TICRR: variants seen among roughly 807,000 people sequenced by gnomAD.
TICRR encodes TOPBP1 interacting checkpoint and replication regulator, also known as treslin.
In TICRR, 132 loss-of-function variants were observed where a neutral mutation model predicts 178.1. That is an observed-to-expected ratio of 0.74 (90% CI 0.64 to 0.86). TICRR has a LOEUF of 0.86. Ranked by LOEUF, TICRR falls within the 40% of genes least tolerant of loss-of-function variation. TICRR has a pLI of 0.00. For missense variants in TICRR, 2,587 were observed against 2,334.3 expected, an observed-to-expected ratio of 1.11 and a Z score of -2.23; for synonymous variants, 991 against 900.7, an observed-to-expected ratio of 1.10 and a Z score of -1.79.
intron 16 of TICRR, chr15:89,617,932 TC>T: frequency 3.7e-6 from 2 of 539,698 alleles, no homozygotes. Flanking sequence ...CCTCAAGTGA[TC>T]CGCCCGCCTT....
chr15:89,589,675 C>T (rs923738279), intron 4 of TICRR, among the ~76,000 whole-genome samples: 4 of 152,162 alleles, frequency 2.6e-5, no homozygotes, highest in African/African-American at 9.7e-5. Context: ...AATATAACAG[C>T]AAATGCAATT....
intron 4 of TICRR, among the ~76,000 whole-genome samples, chr15:89,586,238 A>G (rs1962821123): frequency 6.6e-6 from 1 of 152,172 alleles, no homozygotes; most frequent in African/African-American, 2.4e-5. Context: ...TTGCATTGTT[A>G]CTACTAGCAT....
chr15:89,612,430 GCAA>G (rs1963269551), intron 15 of TICRR, among the ~76,000 whole-genome samples: 1 of 152,188 alleles, frequency 6.6e-6, no homozygotes, highest in South Asian at 2.1e-4. Context: ...ACCAAAGCAT[GCAA>G]CCCCCAATTT....
rs970877622 is a variant in TICRR at position 89,594,405 on chromosome 15, G to C, written c.1542-10G>C. ...ATGTTGGTTTTATTCTAGACATCTT[G>C]ACTTCACAGGTTACTACAGGCTGCC... On this transcript the variant is annotated splice_polypyrimidine_tract_variant and intron_variant, in intron 5 of 21. Coordinates refer to ENST00000268138, the MANE Select transcript of TICRR (RefSeq NM_152259.4). 4.4e-6 allele frequency: 7 copies of C among 1,593,378 alleles called. No individual in the cohort carries two copies. The highest frequency in any genetic ancestry group is 1.3e-5 in the African/African-American group (1 of 74,218).
At chr15:89,615,428 C>T (rs1963320044) in intron 15 of TICRR, among the ~76,000 whole-genome samples, 1 of 152,120 alleles carries the variant, frequency 6.6e-6, no homozygotes, top group African/African-American at 2.4e-5. Flanking sequence ...TACCGTAGGG[C>T]TAGGGGGAAG....
At chr15:89,618,848 A>G (rs1963377490) in intron 17 of TICRR, among the ~76,000 whole-genome samples, 1 of 152,202 alleles carries the variant, frequency 6.6e-6, no homozygotes. Context: ...GGTCCCAGCT[A>G]CTCGGGAGGC....
Position 89,626,957 on chromosome 15 carries a change from T to C in TICRR, c.5604T>C (p.Asp1868=), listed in dbSNP as rs1377414685. ...TPSSQSKDPR[D]EDVDVLPSTV... ...CTAAGCCTTTCTACCTTCTTCTAGATGAGGATGTGGATGTTCTTCCCTCCA... is the reference window on the plus strand; with the variant it reads ...CTAAGCCTTTCTACCTTCTTCTAGACGAGGATGTGGATGTTCTTCCCTCCA... Residue 1868 remains aspartate, a splice_region_variant and synonymous_variant, in exon 22 of 22, where the codon GAT becomes GAC. Coordinates refer to ENST00000268138, the MANE Select transcript of TICRR (RefSeq NM_152259.4). The C allele has an allele frequency of 3.1e-6, 5 of 1,613,730 alleles. No individual in the cohort carries two copies. In the African/African-American group the frequency reaches 4.0e-5, roughly 13 times the overall value.
At position 89,575,896 on chromosome 15, in the gene TICRR, C is replaced by G; in HGVS notation, c.310C>G (p.Leu104Val). 2 of 1,589,218 alleles carry G rather than the reference C, an allele frequency of 1.3e-6. No individual in the cohort carries two copies. The highest frequency in any genetic ancestry group is 1.3e-5 in the African/African-American group (1 of 74,548). Residue 104 changes from leucine (L) to valine (V), a missense_variant, in exon 1 of 22, where the codon CTG becomes GTG. Transcript: ENST00000268138. Reference sequence around the variant, plus strand: ...CAGGGCCACCCACACGCACGGCGCCCTGATGGAGACGCTGCTAGACTACCA... The same window carrying G: ...CAGGGCCACCCACACGCACGGCGCCGTGATGGAGACGCTGCTAGACTACCA... Reference protein sequence around the residue: ...APRATHTHGALMETLLDYQWD... With the variant: ...APRATHTHGAVMETLLDYQWD...
intron 3 of TICRR, 41 bp downstream of exon 3, chr15:89,584,568 C>A: frequency 6.7e-7 from 1 of 1,503,658 alleles, no homozygotes; most frequent in Non-Finnish European, 8.9e-7. Flanking sequence ...TGTCTAACAA[C>A]ACACTGGTAA....
At chr15:89,626,916 CTG>C (rs1963538558) in intron 21 of TICRR, 38 bp from the exon 22 acceptor site, 12 of 1,604,106 alleles carry the variant, frequency 7.5e-6, no homozygotes, top group Non-Finnish European at 9.4e-6. Context: ...GTTCGGTCCT[CTG>C]TGACTCCTGC....
intron 15 of TICRR, 140 bp from the exon 16 acceptor site, chr15:89,616,265 G>A: frequency 1.5e-6 from 1 of 653,578 alleles, no homozygotes; most frequent in Non-Finnish European, 2.7e-6. Flanking sequence ...TGTAACCATA[G>A]AACTTAGCCC....
At chr15:89,586,582 G>A (rs895580774) in intron 4 of TICRR, among the ~76,000 whole-genome samples, 26 of 152,286 alleles carry the variant, frequency 1.7e-4, no homozygotes, top group African/African-American at 6.3e-4. Context: ...AATTGTAGTA[G>A]TAAAGCAGAA....
chr15:89,601,364 A>G lies in TICRR; in HGVS notation c.2220A>G (p.Thr740=). The G allele has an allele frequency of 6.2e-7, 1 of 1,614,228 alleles. No individual in the cohort carries two copies. The highest frequency in any genetic ancestry group is 8.5e-7 in the Non-Finnish European group (1 of 1,180,036). Residue 740 remains threonine (T), a synonymous_variant, in exon 10 of 22, where the codon ACA becomes ACG. Coordinates refer to ENST00000268138, the MANE Select transcript of TICRR (RefSeq NM_152259.4). ...AATGCCCTTCAATAAATGAAAGTAC[A>G]GATGATATGGAACAAGTAGTGGAGG... ...CLQCPSINES[T]DDMEQVVEEV...
intron 15 of TICRR, among the ~76,000 whole-genome samples, chr15:89,613,358 T>G (rs1199559392): frequency 6.6e-6 from 1 of 152,236 alleles, no homozygotes; most frequent in Non-Finnish European, 1.5e-5. Context: ...AGATCTTCTT[T>G]TTTTCACTTT....
intron 8 of TICRR, 123 bp downstream of exon 8, chr15:89,599,598 ATAAG>A (rs1044298565): frequency 1.0e-6 from 1 of 971,500 alleles, no homozygotes; most frequent in African/African-American, 1.6e-5. Context: ...AAATGGTAAG[ATAAG>A]TAAGGGAGTA....
At chr15:89,623,191 G>C (rs1171839121) in intron 19 of TICRR, among the ~76,000 whole-genome samples, 2 of 152,176 alleles carry the variant, frequency 1.3e-5, no homozygotes, top group Non-Finnish European at 2.9e-5. Context: ...ACAGTGCCTG[G>C]CACATAGCAG....
chr15:89,611,044 A>G (rs1963248780), intron 15 of TICRR, among the ~76,000 whole-genome samples: 1 of 151,738 alleles, frequency 6.6e-6, no homozygotes, highest in Non-Finnish European at 1.5e-5. Context: ...CTTAAATTAT[A>G]TAGGGTTTAA....
Position 89,576,006 on chromosome 15 carries a change from C to T in TICRR, c.420C>T (p.Ala140=), listed in dbSNP as rs773301628. 6.2e-7 allele frequency: 1 copy of T among 1,608,076 alleles called. No individual in the cohort carries two copies. Among genetic ancestry groups the T allele is most frequent in the Non-Finnish European group, 8.5e-7 (1 of 1,178,254 alleles). ...GACTGCTGGACGTGGAGAGCGAGGC[C>T]AAGGAGGCCGAGGCCGCGCTCGGGG... ...GRRLLDVESE[A]KEAEAALGGL... The change falls in exon 1 of 22, where the codon GCC becomes GCT. Residue 140 remains alanine (A), a synonymous_variant. Transcript: ENST00000268138.
intron 1 of TICRR, among the ~76,000 whole-genome samples, chr15:89,578,553 C>G (rs1188556157): frequency 3.3e-5 from 5 of 152,070 alleles, no homozygotes; most frequent in African/African-American, 1.2e-4. Context: ...AGACTTTCTT[C>G]TGGAATTTTA....
Sources: allele counts gnomAD v4.1 joint callset (sites outside exome capture counted in the v4.1 genomes callset), GRCh38; gene constraint gnomAD v4.1.1; transcripts MANE v1.5; gene names NCBI Gene and HGNC (gene_info 2026-07-23, HGNC 2026-07-21).